VANGL2: variants seen among roughly 807,000 people sequenced by gnomAD.
VANGL2 encodes VANGL planar cell polarity protein 2, also known as vang-like protein 2.
Under a neutral mutation model 50.2 loss-of-function variants are expected in VANGL2, and 14 were observed. The ratio of observed to expected loss-of-function variants is 0.28; its 90% CI spans 0.18 to 0.44. The LOEUF is 0.44. VANGL2 is among the 20% of genes least tolerant of loss of function. The pLI, the probability that VANGL2 is intolerant of heterozygous loss-of-function variation, is 1.00. For synonymous variants in VANGL2, 295 were observed against 297.2 expected, an observed-to-expected ratio of 0.99 and a Z score of 0.08; for missense variants, 533 against 701.5, an observed-to-expected ratio of 0.76 and a Z score of 2.71.
intron 1 of VANGL2, among the ~76,000 whole-genome samples, chr1:160,413,868 C>T (rs892755712): frequency 2.0e-5 from 3 of 152,306 alleles, no homozygotes; most frequent in Non-Finnish European, 2.9e-5. Context: ...TCGTCTGACA[C>T]CTGGCTGCCT....
intron 1 of VANGL2, among the ~76,000 whole-genome samples, chr1:160,414,816 T>TGGGGCCTCCTATGAGGGGGG (rs1650998226): frequency 5.9e-5 from 2 of 33,888 alleles, no homozygotes. Context: ...TATGAGGGGG[T>TGGGGCCTCCTATGAGGGGGG]GGGGCCGGGC....
intron 1 of VANGL2, among the ~76,000 whole-genome samples, chr1:160,401,115 G>C (rs375426918): frequency 6.6e-6 from 1 of 152,136 alleles, no homozygotes; most frequent in Admixed American, 6.5e-5. Context: ...GGCTCGTGGG[G>C]AGGGGGCGGA....
At chr1:160,420,354 C>A (rs1651222904) in intron 4 of VANGL2, 57 bp from the exon 5 acceptor site, 1 of 1,610,700 alleles carries the variant, frequency 6.2e-7, no homozygotes, top group South Asian at 1.1e-5. Context: ...GTGTCCCTTT[C>A]CCCTGTGCCC....
chr1:160,427,521 T>C lies in VANGL2; in HGVS notation c.*2143T>C, dbSNP rs1651498804. On this transcript the variant is annotated 3_prime_UTR_variant, in exon 8 of 8. Transcript: ENST00000368061. ...CTGAGAATGGTAGCATTTTGGTCTT[T>C]TGCTTCAGAACTGTGGTATCTTTGT... is the stretch of plus-strand genomic sequence containing the variant. The C allele has an allele frequency of 6.6e-6, 1 of 152,338 alleles. No individual in the cohort carries two copies. Among genetic ancestry groups the C allele is most frequent in the South Asian group, 2.1e-4 (1 of 4,820 alleles). 9.4% of individuals were successfully genotyped at this position (152,338 alleles called of 1,614,324 possible).
rs1271940094 is a variant in VANGL2 at position 160,419,232 on chromosome 1, C to T, written c.423C>T (p.Cys141=). 8.7e-6 allele frequency: 14 copies of T among 1,609,952 alleles called. No homozygotes were observed. The highest frequency in any genetic ancestry group is 1.1e-5 in the South Asian group (1 of 91,070). The change falls in exon 4 of 8, where the codon TGC becomes TGT. Residue 141 remains cysteine, a synonymous_variant. Transcript: ENST00000368061. The surrounding 1 kb of genome is among the most constrained non-coding windows in gnomAD (Gnocchi z 5.8). ...TGTGGCGGGAGGAGCTGGAGCCTTG[C>T]GGGACGGCCTGCGAGGGCCTCTTCA... ...PLLWREELEP[C]GTACEGLFIS...
intron 5 of VANGL2, 104 bp downstream of exon 5, chr1:160,420,651 C>T: frequency 6.4e-7 from 1 of 1,558,464 alleles, no homozygotes; most frequent in East Asian, 2.3e-5. Flanking sequence ...CTTTCCTTAG[C>T]CCATGTTCTA....
In VANGL2 at chr1:160,427,747, A is replaced by G. The variant is rs2101976962; in HGVS notation, c.*2369A>G. 6.6e-6 allele frequency: 1 copy of G among 152,532 alleles called. No individual in the cohort carries two copies. The highest frequency in any genetic ancestry group is 1.9e-4 in the East Asian group (1 of 5,168). The allele number at this position is 152,532 out of a possible 1,614,324, so 9.4% of individuals were successfully genotyped here. A position where few individuals can be genotyped will look rare whatever the true frequency, so the allele number is the denominator to read the frequency against. ...GTTTCCCCACTGTGTCTGTCCCATC[A>G]TGCGCTGGATCTGCTCATTCTCCTG... On this transcript the variant is annotated 3_prime_UTR_variant, in exon 8 of 8. Transcript: ENST00000368061.
In VANGL2 at chr1:160,415,822, G is replaced by A. The variant is rs189802721; in HGVS notation, c.-16G>A. On this transcript the variant is annotated 5_prime_UTR_variant, in exon 2 of 8. Transcript: ENST00000368061. ...CTGCGGCCCTGGAGCGCTACAAGGCGCGGCGTTCAGACGCCATGGACACCG... is the reference window on the plus strand; with the variant it reads ...CTGCGGCCCTGGAGCGCTACAAGGCACGGCGTTCAGACGCCATGGACACCG... 3.3e-3 allele frequency: 5,325 copies of A among 1,610,906 alleles called. 154 individuals carry two copies. In the South Asian group the frequency reaches 0.05, roughly 15 times the overall value.
In VANGL2 at chr1:160,427,554, C is replaced by CATTATTATTATTATTATTATT. The variant is rs112160063; in HGVS notation, c.*2187_*2207dup. ...GAACTGTGGTATCTTTGTCTTTTTT[C>CATTATTATTATTATTATTATT]ATTATTATTATTATTATTATTATTA... On this transcript the variant is annotated 3_prime_UTR_variant, in exon 8 of 8. Coordinates refer to ENST00000368061, the MANE Select transcript of VANGL2 (RefSeq NM_020335.3). 1 of 146,504 alleles carries CATTATTATTATTATTATTATT rather than the reference C, an allele frequency of 6.8e-6. No individual in the cohort carries two copies. The highest frequency in any genetic ancestry group is 1.5e-5 in the Non-Finnish European group (1 of 66,634). 9.1% of individuals were successfully genotyped at this position (146,504 alleles called of 1,614,324 possible).
intron 1 of VANGL2, among the ~76,000 whole-genome samples, chr1:160,404,506 T>G (rs1650586073): frequency 6.6e-6 from 1 of 152,150 alleles, no homozygotes; most frequent in Admixed American, 6.5e-5. Context: ...CTCTGTCTAG[T>G]CCCCAAACAT....
rs1651501227 is a variant in VANGL2 at position 160,427,526 on chromosome 1, T to C, written c.*2148T>C. 6.6e-6 allele frequency: 1 copy of C among 152,130 alleles called. No homozygotes were observed. The highest frequency in any genetic ancestry group is 2.4e-5 in the African/African-American group (1 of 41,326). The allele number at this position is 152,130 out of a possible 1,614,324, so 9.4% of individuals were successfully genotyped here. A position where few individuals can be genotyped will look rare whatever the true frequency, so the allele number is the denominator to read the frequency against. ...AATGGTAGCATTTTGGTCTTTTGCT[T>C]CAGAACTGTGGTATCTTTGTCTTTT... On this transcript the variant is annotated 3_prime_UTR_variant, in exon 8 of 8. Coordinates refer to ENST00000368061, the MANE Select transcript of VANGL2 (RefSeq NM_020335.3).
At chr1:160,414,712 A>C (rs1221283713) in intron 1 of VANGL2, among the ~76,000 whole-genome samples, 1 of 151,662 alleles carries the variant, frequency 6.6e-6, no homozygotes, top group African/African-American at 2.4e-5. Context: ...ATGACTGAAG[A>C]TAGGAAGTAA....
chr1:160,420,033 A>G (rs1215036403), intron 4 of VANGL2, among the ~76,000 whole-genome samples: 1 of 152,046 alleles, frequency 6.6e-6, no homozygotes, highest in Non-Finnish European at 1.5e-5. Context: ...AGAAAGAGAT[A>G]AGGAGGAGAG....
chr1:160,418,540 G>A (rs552006021), intron 3 of VANGL2, among the ~76,000 whole-genome samples: 12 of 151,572 alleles, frequency 7.9e-5, no homozygotes, highest in African/African-American at 2.9e-4. Context: ...GTGTTCTAAT[G>A]TGTGCATCTG....
intron 6 of VANGL2, among the ~76,000 whole-genome samples, chr1:160,421,987 G>C (rs1651291238): frequency 6.6e-6 from 1 of 152,158 alleles, no homozygotes; most frequent in South Asian, 2.1e-4. Flanking sequence ...ATTATTAAGT[G>C]AATTTAGTCA....
At chr1:160,423,333 G>A (rs991889034) in intron 6 of VANGL2, among the ~76,000 whole-genome samples, 1 of 152,110 alleles carries the variant, frequency 6.6e-6, no homozygotes, top group African/African-American at 2.4e-5. Flanking sequence ...GTAGTTCATG[G>A]AATACTCCCA....
intron 4 of VANGL2, among the ~76,000 whole-genome samples, 155 bp from the exon 5 acceptor site, chr1:160,420,256 T>C (rs1430827663): frequency 1.3e-5 from 2 of 151,984 alleles, no homozygotes; most frequent in African/African-American, 4.8e-5. Context: ...GGGAGCCTGG[T>C]AAGTAGACCT....
At chr1:160,416,294 C>A in intron 3 of VANGL2, 112 bp downstream of exon 3, 1 of 1,561,814 alleles carries the variant, frequency 6.4e-7, no homozygotes. Context: ...AGACAGCCAT[C>A]AGATCGGGGA....
At chr1:160,420,934 G>T in intron 5 of VANGL2, 118 bp from the exon 6 acceptor site, 1 of 1,465,960 alleles carries the variant, frequency 6.8e-7, no homozygotes. Flanking sequence ...AGGAGGTATT[G>T]CTGGGTGGTG....
Sources: gnomAD v4.1 joint callset for allele counts (sites outside exome capture counted in the v4.1 genomes callset) on GRCh38, gnomAD v4.1.1 for gene constraint, Gnocchi (gnomAD v3.1) non-coding constraint, MANE v1.5 for transcripts, NCBI Gene and HGNC (gene_info 2026-07-23, HGNC 2026-07-21) for gene names.